MLANA: variants seen among roughly 807,000 people sequenced by gnomAD.
MLANA encodes the protein melan-A.
MLANA carries 21 observed loss-of-function variants against 15.7 expected under a neutral mutation model. The observed-to-expected ratio is 1.33, with a 90% CI of 0.95 to 1.92. The LOEUF (loss-of-function observed/expected upper bound fraction) is 1.92, where lower values mean the gene tolerates loss of function less well. Among genes scored for constraint, MLANA ranks in the 40% most tolerant of loss-of-function variants. The probability of loss-of-function intolerance (pLI) is 0.00; values close to 1 mark genes in which losing one functional copy is unlikely to be tolerated. For missense variants in MLANA, 164 were observed against 143.8 expected (o/e 1.14, Z -0.72); for synonymous variants, 56 against 51.5 (o/e 1.09, Z -0.37).
Position 5,910,244 on chromosome 9 carries a change from C to A in MLANA, c.*1536C>A, listed in dbSNP as rs1264374927. 1 of 152,270 alleles carries A rather than the reference C, an allele frequency of 6.6e-6. No homozygotes were observed. The highest frequency in any genetic ancestry group is 1.9e-4 in the East Asian group (1 of 5,182). 9.4% of individuals were successfully genotyped at this position (152,270 alleles called of 1,614,324 possible). ...GTGAGTCAGTAAACCACCTAAAAATCATCTTGTCTCATCAGAAACACTAGT... is the reference window on the plus strand; with the variant it reads ...GTGAGTCAGTAAACCACCTAAAAATAATCTTGTCTCATCAGAAACACTAGT... On this transcript the variant is annotated 3_prime_UTR_variant, in exon 5 of 5. Coordinates refer to ENST00000381477, the MANE Select transcript of MLANA (RefSeq NM_005511.2).
intron 3 of MLANA, among the ~76,000 whole-genome samples, chr9:5,901,768 TGCC>T: frequency 6.6e-6 from 1 of 151,932 alleles, no homozygotes; most frequent in South Asian, 2.1e-4. Flanking sequence ...GCAATCCACC[TGCC>T]TCAGCCTCCC....
At position 5,906,901 on chromosome 9, in the gene MLANA, T is replaced by C; in HGVS notation, c.191T>C (p.Val64Ala). The change falls in exon 4 of 5, where the codon GTT (valine) becomes GCT (alanine). Residue 64 changes from valine to alanine, a missense_variant. By Grantham distance (64) the Val-to-Ala change is moderately conservative. Coordinates refer to ENST00000381477, the MANE Select transcript of MLANA (RefSeq NM_005511.2). ...YRALMDKSLH[V>A]GTQCALTRRC... The stretch of plus-strand genomic sequence containing the variant: ...ACATTTCAGGATAAAAGTCTTCATG[T>C]TGGCACTCAATGTGCCTTAACAAGA... 2 of 1,584,194 alleles carry C rather than the reference T, an allele frequency of 1.3e-6. No individual in the cohort carries two copies. The highest frequency in any genetic ancestry group is 1.7e-6 in the Non-Finnish European group (2 of 1,168,340).
chr9:5,899,416 T>C (rs1832267739), intron 3 of MLANA, among the ~76,000 whole-genome samples: 1 of 152,126 alleles, frequency 6.6e-6, no homozygotes. Flanking sequence ...TTCCAGAGCA[T>C]AAATACAAAT....
rs549286312 is a variant in MLANA at position 5,909,381 on chromosome 9, C to T, written c.*673C>T. On this transcript the variant is annotated 3_prime_UTR_variant, in exon 5 of 5. Transcript: ENST00000381477. ...TCAAGCAATTCTCCTGCCTTAGCCT[C>T]CTGAGTAGCTGGGATTACAGGCGTG... 1 of 152,506 alleles carries T rather than the reference C, an allele frequency of 6.6e-6. No individual in the cohort carries two copies. The highest frequency in any genetic ancestry group is 1.9e-4 in the East Asian group (1 of 5,196). The allele number at this position is 152,506 out of a possible 1,614,324, so 9.4% of individuals were successfully genotyped here.
At chr9:5,897,495 C>G in intron 2 of MLANA, 62 bp from the exon 3 acceptor site, 1 of 1,441,368 alleles carries the variant, frequency 6.9e-7, no homozygotes, top group Non-Finnish European at 9.8e-7. Flanking sequence ...CTGATTTATG[C>G]TTCATCATAA....
intron 2 of MLANA, among the ~76,000 whole-genome samples, chr9:5,896,741 T>A (rs147503290): frequency 6.6e-6 from 1 of 152,316 alleles, no homozygotes; most frequent in East Asian, 1.9e-4. Flanking sequence ...AGGGTCTTTG[T>A]GGTAACTTTG....
intron 3 of MLANA, among the ~76,000 whole-genome samples, chr9:5,901,723 T>C (rs1832442276): frequency 6.6e-6 from 1 of 151,474 alleles, no homozygotes; most frequent in Non-Finnish European, 1.5e-5. Flanking sequence ...GGTTTCACCA[T>C]GTTGCCCAGG....
chr9:5,901,666 A>G (rs762464830), intron 3 of MLANA, among the ~76,000 whole-genome samples: 1 of 151,918 alleles, frequency 6.6e-6, no homozygotes, highest in Non-Finnish European at 1.5e-5. Context: ...CCACAGGTGT[A>G]AGCCACCACG....
In MLANA at chr9:5,909,350, C is replaced by G. The variant is rs1833021033; in HGVS notation, c.*642C>G. 1 of 152,492 alleles carries G rather than the reference C, an allele frequency of 6.6e-6. No homozygotes were observed. 9.4% of individuals were successfully genotyped at this position (152,492 alleles called of 1,614,324 possible). On this transcript the variant is annotated 3_prime_UTR_variant, in exon 5 of 5. Transcript: ENST00000381477. ...CTTGGCTCACCATAACCTCCGCCTC[C>G]CAGGTTCAAGCAATTCTCCTGCCTT...
chr9:5,902,997 C>T (rs1832547180), intron 3 of MLANA, among the ~76,000 whole-genome samples: 1 of 152,164 alleles, frequency 6.6e-6, no homozygotes, highest in African/African-American at 2.4e-5. Context: ...CACTGCTAAG[C>T]AGTATCCCAC....
At chr9:5,892,956 G>T (rs1422503919) in intron 2 of MLANA, among the ~76,000 whole-genome samples, 1 of 152,188 alleles carries the variant, frequency 6.6e-6, no homozygotes, top group Non-Finnish European at 1.5e-5. Flanking sequence ...AGCCAGTAAG[G>T]ATGACGGGCA....
chr9:5,894,308 G>A lies in MLANA; in HGVS notation c.77+1757G>A, dbSNP rs1235590496. Among the ~76,000 whole-genome samples the A allele has an allele frequency of 1.3e-5, 2 of 152,144 alleles. No homozygotes were observed. The highest frequency in any genetic ancestry group is 4.8e-5 in the African/African-American group (2 of 41,422). On this transcript the variant is annotated intron_variant, in intron 2 of 4. Transcript: ENST00000381477. The surrounding 1 kb of genome is among the most constrained non-coding windows in gnomAD (Gnocchi z 4.0). The stretch of plus-strand genomic sequence containing the variant: ...TAGTCAGGAAGAAACCAACTAGATG[G>A]TTCAACATAGAGACTTTAATATAAG...
At chr9:5,893,398 G>A (rs375311891) in intron 2 of MLANA, among the ~76,000 whole-genome samples, 2 of 152,160 alleles carry the variant, frequency 1.3e-5, no homozygotes, top group Non-Finnish European at 2.9e-5. Flanking sequence ...TCTTTCTTTG[G>A]AAAGAGCTGT....
At chr9:5,898,211 TAA>T (rs940181808) in intron 3 of MLANA, 1 of 151,716 alleles carries the variant, frequency 6.6e-6, no homozygotes, top group South Asian at 2.1e-4. Flanking sequence ...ACCGGCTAAT[TAA>T]AAAAAAACTT....
intron 2 of MLANA, among the ~76,000 whole-genome samples, chr9:5,892,965 C>T (rs1422173202): frequency 6.6e-6 from 1 of 152,140 alleles, no homozygotes; most frequent in African/African-American, 2.4e-5. Context: ...GGATGACGGG[C>T]AGGTGTGTGT....
chr9:5,908,881 G>T lies in MLANA; in HGVS notation c.*173G>T, dbSNP rs577979836. On this transcript the variant is annotated 3_prime_UTR_variant, in exon 5 of 5. Transcript: ENST00000381477. ...GGTCCGCTAGCAGTACTAATCATGT[G>T]AGGAAATGATGAGAAATATTAAATT... 8.6e-5 allele frequency: 50 copies of T among 584,578 alleles called. No individual in the cohort carries two copies. Among genetic ancestry groups the T allele is most frequent in the Admixed American group, 1.3e-4 (4 of 31,520 alleles). 36.2% of individuals were successfully genotyped at this position (584,578 alleles called of 1,614,324 possible). A position where few individuals can be genotyped will look rare whatever the true frequency, so the allele number is the denominator to read the frequency against.
intron 3 of MLANA, among the ~76,000 whole-genome samples, chr9:5,903,379 A>G (rs1169102963): frequency 6.6e-6 from 1 of 152,164 alleles, no homozygotes; most frequent in Non-Finnish European, 1.5e-5. Flanking sequence ...CACAGTATAT[A>G]ATTCCTTTTA....
At chr9:5,902,531 C>T (rs1832503674) in intron 3 of MLANA, among the ~76,000 whole-genome samples, 1 of 151,808 alleles carries the variant, frequency 6.6e-6, no homozygotes, top group Non-Finnish European at 1.5e-5. Flanking sequence ...GTGGCACAAT[C>T]ATAGCTCACT....
chr9:5,891,523 T>C (rs909584114), intron 1 of MLANA, among the ~76,000 whole-genome samples: 7 of 152,206 alleles, frequency 4.6e-5, no homozygotes, highest in African/African-American at 1.7e-4. Context: ...CCTGTTGTTT[T>C]AAACTGGGGC....
Sources: gnomAD v4.1 joint callset for allele counts (sites outside exome capture counted in the v4.1 genomes callset) on GRCh38, gnomAD v4.1.1 for gene constraint, Gnocchi (gnomAD v3.1) non-coding constraint, MANE v1.5 for transcripts, NCBI Gene and HGNC (gene_info 2026-07-23, HGNC 2026-07-21) for gene names.